The following MRPL33 variants were observed in gnomAD, a reference collection of about 807,000 sequenced individuals.
MRPL33 encodes the protein mitochondrial ribosomal protein L33, also known as large ribosomal subunit protein bL33m.
A neutral mutation model predicts 10.1 loss-of-function variants in MRPL33; 5 were observed. The ratio of observed to expected loss-of-function variants is 0.49; its 90% CI spans 0.26 to 1.04. The LOEUF (loss-of-function observed/expected upper bound fraction) is 1.04. Ranked by LOEUF, MRPL33 falls within the 50% of genes least tolerant of loss-of-function variation. The pLI is 0.14. For missense variants in MRPL33, 79 were observed against 78.1 expected (o/e 1.01, Z -0.04); for synonymous variants, 24 against 27.7 (o/e 0.87, Z 0.42).
chr2:27,772,535 T>TA, intron 1 of MRPL33, 139 bp from the exon 2 acceptor site: 1 of 646,426 alleles, frequency 1.5e-6, no homozygotes, highest in Non-Finnish European at 2.6e-6. Flanking sequence ...AGGGAATAGT[T>TA]ACTTGAGTGA....
chr2:27,775,689 G>A (rs1462666664), intron 3 of MRPL33, among the ~76,000 whole-genome samples: 1 of 152,128 alleles, frequency 6.6e-6, no homozygotes, highest in African/African-American at 2.4e-5. Context: ...AATAACATGA[G>A]CAGACATTTT....
At chr2:27,778,814 A>G (rs1300763518) in intron 3 of MRPL33, among the ~76,000 whole-genome samples, 2 of 152,204 alleles carry the variant, frequency 1.3e-5, no homozygotes, top group Non-Finnish European at 1.5e-5. Context: ...TCGGTCTCCC[A>G]AAGTGCTGGG....
Position 27,773,987 on chromosome 2 carries a change from G to GTC in MRPL33, c.42-433_42-432dup, listed in dbSNP as rs201486559. On this transcript the variant is annotated intron_variant, in intron 2 of 3. Coordinates refer to ENST00000296102, the MANE Select transcript of MRPL33 (RefSeq NM_004891.4). ...GCGCATTAGCAAACTAAAAGCTTTA[G>GTC]TCTCTTTATTTTGTCCCTTCCTGAA... is the stretch of plus-strand genomic sequence containing the variant. 6.0e-3 allele frequency among the ~76,000 whole-genome samples: 914 copies of GTC among 152,296 alleles called. 4 individuals are homozygous for GTC. Among genetic ancestry groups the GTC allele is most frequent in the Non-Finnish European group, 7.3e-3 (498 of 68,024 alleles).
rs202178940 is a variant in MRPL33 at position 27,779,554 on chromosome 2, T to C, written c.*72T>C. The C allele has an allele frequency of 1.4e-5, 23 of 1,597,902 alleles. No individual in the cohort carries two copies. Among genetic ancestry groups the C allele is most frequent in the Non-Finnish European group, 1.9e-5 (22 of 1,175,926 alleles). On this transcript the variant is annotated 3_prime_UTR_variant, in exon 4 of 4. Coordinates refer to ENST00000296102, the MANE Select transcript of MRPL33 (RefSeq NM_004891.4). The stretch of plus-strand genomic sequence containing the variant: ...CGGGGATACTGATTCAGAAATCCTG[T>C]AGCGTGTAATAAAAGAAGAGGAAAT...
At chr2:27,771,836 G>A in intron 1 of MRPL33, 37 bp downstream of exon 1, 1 of 1,607,564 alleles carries the variant, frequency 6.2e-7, no homozygotes, top group Non-Finnish European at 8.5e-7. Flanking sequence ...GGGTTACGGC[G>A]AGGGTTAGGG....
intron 3 of MRPL33, 55 bp downstream of exon 3, chr2:27,774,585 A>C (rs1677114561): frequency 1.5e-6 from 2 of 1,368,416 alleles, no homozygotes; most frequent in Non-Finnish European, 2.1e-6. Flanking sequence ...TTGTAGGCTG[A>C]ACATCTGAAC....
rs1677051226 is a variant in MRPL33 at position 27,771,774 on chromosome 2, C to T, written c.-4C>T. 2 of 1,614,124 alleles carry T rather than the reference C, an allele frequency of 1.2e-6. No homozygotes were observed. Among genetic ancestry groups the T allele is most frequent in the East Asian group, 2.2e-5 (1 of 44,874 alleles). Reference sequence around the variant, plus strand: ...GTGACGGAGACTGCCCAGGTGTGGTCACCATGTTCCTCTCCGCGGTCTTCT... The same window carrying T: ...GTGACGGAGACTGCCCAGGTGTGGTTACCATGTTCCTCTCCGCGGTCTTCT... On this transcript the variant is annotated 5_prime_UTR_variant, in exon 1 of 4. Coordinates refer to ENST00000296102, the MANE Select transcript of MRPL33 (RefSeq NM_004891.4).
At position 27,779,550 on chromosome 2, in the gene MRPL33, C is replaced by T. The variant is rs200055489; in HGVS notation, c.*68C>T. ...AGGGCGGGGATACTGATTCAGAAAT[C>T]CTGTAGCGTGTAATAAAAGAAGAGG... is the stretch of plus-strand genomic sequence containing the variant. On this transcript the variant is annotated 3_prime_UTR_variant, in exon 4 of 4. Transcript: ENST00000296102. 1 of 1,600,208 alleles carries T rather than the reference C, an allele frequency of 6.2e-7. No individual in the cohort carries two copies. The highest frequency in any genetic ancestry group is 8.5e-7 in the Non-Finnish European group (1 of 1,176,556).
rs749897530 is a variant in MRPL33 at position 27,779,530 on chromosome 2, G to A, written c.*48G>A. The A allele has an allele frequency of 8.9e-5, 143 of 1,611,818 alleles. No individual in the cohort carries two copies. The highest frequency in any genetic ancestry group is 1.1e-4 in the Non-Finnish European group (134 of 1,179,338). ...GATTTATAAAGAGAAGACTGAGGGC[G>A]GGGATACTGATTCAGAAATCCTGTA... is the stretch of plus-strand genomic sequence containing the variant. On this transcript the variant is annotated 3_prime_UTR_variant, in exon 4 of 4. Coordinates refer to ENST00000296102, the MANE Select transcript of MRPL33 (RefSeq NM_004891.4).
At chr2:27,775,321 G>T (rs1677128460) in intron 3 of MRPL33, among the ~76,000 whole-genome samples, 1 of 149,936 alleles carries the variant, frequency 6.7e-6, no homozygotes. Context: ...TTAGAGCTCT[G>T]GCTGTTCATT....
At chr2:27,771,912 G>A in intron 1 of MRPL33, 113 bp downstream of exon 1, 1 of 1,153,574 alleles carries the variant, frequency 8.7e-7, no homozygotes, top group Non-Finnish European at 1.2e-6. Context: ...GGAAGCTGCA[G>A]CTGCGTACTT....
chr2:27,775,541 A>G (rs1677132581), intron 3 of MRPL33, among the ~76,000 whole-genome samples: 1 of 151,798 alleles, frequency 6.6e-6, no homozygotes, highest in African/African-American at 2.4e-5. Context: ...TAGTAGAGAT[A>G]GGGTTTCACC....
At chr2:27,775,720 A>G (rs1399465352) in intron 3 of MRPL33, among the ~76,000 whole-genome samples, 2 of 152,322 alleles carry the variant, frequency 1.3e-5, no homozygotes, top group African/African-American at 2.4e-5. Flanking sequence ...CAAGAAGCAC[A>G]GTTGTCAGCT....
chr2:27,776,188 C>T (rs1422429491), intron 3 of MRPL33, among the ~76,000 whole-genome samples: 2 of 152,220 alleles, frequency 1.3e-5, no homozygotes, highest in African/African-American at 4.8e-5. Flanking sequence ...TTCAAACAGA[C>T]GCTTAGAATT....
At position 27,771,746 on chromosome 2, in the gene MRPL33, C is replaced by T. The variant is rs1007615797; in HGVS notation, c.-32C>T. 15 of 1,613,630 alleles carry T rather than the reference C, an allele frequency of 9.3e-6. No homozygotes were observed. The highest frequency in any genetic ancestry group is 1.7e-5 in the Admixed American group (1 of 59,960). Reference sequence around the variant, plus strand: ...TTGTTGTTGGTTGGGGGCCTTTTGGCCGGTGACGGAGACTGCCCAGGTGTG... The same window carrying T: ...TTGTTGTTGGTTGGGGGCCTTTTGGTCGGTGACGGAGACTGCCCAGGTGTG... On this transcript the variant is annotated 5_prime_UTR_variant, in exon 1 of 4. Coordinates refer to ENST00000296102, the MANE Select transcript of MRPL33 (RefSeq NM_004891.4).
chr2:27,772,545 A>G, intron 1 of MRPL33, 129 bp from the exon 2 acceptor site: 1 of 681,926 alleles, frequency 1.5e-6, no homozygotes. Flanking sequence ...TACTTGAGTG[A>G]CACCTCATGG....
intron 2 of MRPL33, among the ~76,000 whole-genome samples, chr2:27,773,918 G>T (rs1206888139): frequency 1.3e-5 from 2 of 152,180 alleles, no homozygotes. Flanking sequence ...TTTCTGCTTT[G>T]GATGAGTGGA....
intron 3 of MRPL33, among the ~76,000 whole-genome samples, chr2:27,778,970 G>A (rs73923908): frequency 0.011 from 1,658 of 152,220 alleles, 32 homozygotes; most frequent in African/African-American, 0.037. Context: ...TAAAAACTCC[G>A]TATTTGGGTG....
Position 27,774,540 on chromosome 2 carries a change from G to T in MRPL33, c.148+10G>T. ...CATTATGATCCAGTTGGTAAGATCT[G>T]GGGAGGTTAATGCTTCCAAGGCCTG... On this transcript the variant is annotated intron_variant, in intron 3 of 3. Coordinates refer to ENST00000296102, the MANE Select transcript of MRPL33 (RefSeq NM_004891.4). 1 of 1,610,738 alleles carries T rather than the reference G, an allele frequency of 6.2e-7. No individual in the cohort carries two copies. Among genetic ancestry groups the T allele is most frequent in the South Asian group, 1.1e-5 (1 of 90,966 alleles).
Sources: allele counts gnomAD v4.1 joint callset (sites outside exome capture counted in the v4.1 genomes callset), GRCh38; gene constraint gnomAD v4.1.1; transcripts MANE v1.5; gene names NCBI Gene and HGNC (gene_info 2026-07-23, HGNC 2026-07-21).